C1QTNF7: variants seen among roughly 807,000 people sequenced by gnomAD.
C1QTNF7 encodes the protein C1q and TNF related 7.
A neutral mutation model predicts 19.6 loss-of-function variants in C1QTNF7; 15 were observed. The ratio of observed to expected loss-of-function variants is 0.76; its 90% CI spans 0.51 to 1.18. C1QTNF7 has a LOEUF of 1.18. Ranked by LOEUF, C1QTNF7 falls within the 50% of genes most tolerant of loss-of-function variation. The pLI, the probability that C1QTNF7 is intolerant of heterozygous loss-of-function variation, is 0.00. For missense variants in C1QTNF7, 324 were observed against 359.7 expected (o/e 0.90, Z 0.80); for synonymous variants, 142 against 137.5 (o/e 1.03, Z -0.23).
intron 1 of C1QTNF7, among the ~76,000 whole-genome samples, chr4:15,351,780 C>A (rs145530615): frequency 0.014 from 2,135 of 152,202 alleles, 32 homozygotes; most frequent in Non-Finnish European, 0.018. Flanking sequence ...GTGTGCATGA[C>A]GTGAGGATGT....
At chr4:15,385,572 G>C (rs1412231655) in intron 1 of C1QTNF7, among the ~76,000 whole-genome samples, 2 of 152,204 alleles carry the variant, frequency 1.3e-5, no homozygotes, top group African/African-American at 4.8e-5. Context: ...GTGGGAGGGG[G>C]ATCATCTAAG....
chr4:15,385,365 G>A (rs1718296722), intron 1 of C1QTNF7, among the ~76,000 whole-genome samples: 1 of 151,874 alleles, frequency 6.6e-6, no homozygotes, highest in African/African-American at 2.4e-5. Flanking sequence ...GTCAGATAAG[G>A]CTGGGAGCCA....
Position 15,398,391 on chromosome 4 carries a change from G to T in C1QTNF7, c.14-37345G>T, listed in dbSNP as rs191738522. ...CACCCCCCCTCCCTGCCCCATTGAT[G>T]TCCAAGTCCCTTTATTTACAGCTAA... On this transcript the variant is annotated intron_variant, in intron 1 of 2. Transcript: ENST00000295297. Among the ~76,000 whole-genome samples the T allele has an allele frequency of 1.2e-3, 182 of 148,788 alleles. 1 individual carries two copies. Among genetic ancestry groups the T allele is most frequent in the African/African-American group, 4.2e-3 (169 of 40,422 alleles).
At chr4:15,341,935 T>A (rs371679438) in intron 1 of C1QTNF7, among the ~76,000 whole-genome samples, 1 of 152,208 alleles carries the variant, frequency 6.6e-6, no homozygotes, top group Non-Finnish European at 1.5e-5. Context: ...CGGGCTCCAA[T>A]GGAGGCTGGC....
At chr4:15,367,829 TC>T (rs1717580158) in intron 1 of C1QTNF7, among the ~76,000 whole-genome samples, 1 of 149,330 alleles carries the variant, frequency 6.7e-6, no homozygotes, top group Non-Finnish European at 1.5e-5. Flanking sequence ...TTTTTTTTTT[TC>T]ACATGCAAAC....
intron 1 of C1QTNF7, among the ~76,000 whole-genome samples, chr4:15,420,784 T>A (rs908340661): frequency 2.0e-5 from 3 of 147,068 alleles, no homozygotes; most frequent in Non-Finnish European, 4.6e-5. Flanking sequence ...ACATGAAGAT[T>A]TCTGCTAGTT....
chr4:15,415,099 A>G (rs1254178679), intron 1 of C1QTNF7, among the ~76,000 whole-genome samples: 1 of 152,246 alleles, frequency 6.6e-6, no homozygotes, highest in Non-Finnish European at 1.5e-5. Flanking sequence ...ACATCTTTTC[A>G]CAAAACAAGT....
intron 1 of C1QTNF7, among the ~76,000 whole-genome samples, chr4:15,405,113 A>G (rs909209733): frequency 3.9e-5 from 6 of 152,204 alleles, no homozygotes; most frequent in African/African-American, 1.4e-4. Context: ...ATTTCTTCCT[A>G]TAACAGGAAG....
chr4:15,439,971 A>G (rs1712684818), intron 2 of C1QTNF7, among the ~76,000 whole-genome samples: 1 of 151,276 alleles, frequency 6.6e-6, no homozygotes, highest in African/African-American at 2.4e-5. Flanking sequence ...ATACAAAATC[A>G]ATGTCTTATA....
At chr4:15,386,051 A>G (rs1375864781) in intron 1 of C1QTNF7, among the ~76,000 whole-genome samples, 1 of 152,212 alleles carries the variant, frequency 6.6e-6, no homozygotes, top group East Asian at 1.9e-4. Flanking sequence ...GGAAGCCAAA[A>G]CCAAAAGCTG....
At chr4:15,429,050 G>A (rs761147584) in intron 1 of C1QTNF7, among the ~76,000 whole-genome samples, 1 of 152,150 alleles carries the variant, frequency 6.6e-6, no homozygotes, top group Non-Finnish European at 1.5e-5. Flanking sequence ...GTGTGGACTT[G>A]AGCCCACAGA....
chr4:15,358,254 C>T (rs997463196), intron 1 of C1QTNF7: 1 of 152,124 alleles, frequency 6.6e-6, no homozygotes, highest in Non-Finnish European at 1.5e-5. Flanking sequence ...TCCATCAATA[C>T]CTCGTTTATT....
intron 1 of C1QTNF7, among the ~76,000 whole-genome samples, chr4:15,380,232 G>T (rs1718086631): frequency 6.6e-6 from 1 of 152,206 alleles, no homozygotes; most frequent in South Asian, 2.1e-4. Flanking sequence ...TATCAGCTAG[G>T]ATTGTATTTG....
chr4:15,370,039 T>C (rs1717663711), intron 1 of C1QTNF7, among the ~76,000 whole-genome samples: 1 of 152,146 alleles, frequency 6.6e-6, no homozygotes, highest in Non-Finnish European at 1.5e-5. Context: ...ACATAAAAAC[T>C]GGTAAAAACT....
At chr4:15,413,815 A>T (rs994569224) in intron 1 of C1QTNF7, among the ~76,000 whole-genome samples, 2 of 152,230 alleles carry the variant, frequency 1.3e-5, no homozygotes, top group African/African-American at 4.8e-5. Context: ...GTTGACAACC[A>T]CAATACCGCG....
chr4:15,409,011 C>A (rs1489648890), intron 1 of C1QTNF7, among the ~76,000 whole-genome samples: 6 of 152,200 alleles, frequency 3.9e-5, no homozygotes, highest in African/African-American at 1.4e-4. Context: ...GACCCCCAGT[C>A]TCAGCAAGTC....
At chr4:15,432,986 ATTC>A (rs1320048181) in intron 1 of C1QTNF7, among the ~76,000 whole-genome samples, 4 of 152,066 alleles carry the variant, frequency 2.6e-5, no homozygotes, top group Non-Finnish European at 5.9e-5. Flanking sequence ...CCCTTACCAC[ATTC>A]TTCTTCACAG....
intron 1 of C1QTNF7, among the ~76,000 whole-genome samples, chr4:15,384,607 C>T (rs1362248098): frequency 6.6e-6 from 1 of 152,160 alleles, no homozygotes; most frequent in Admixed American, 6.5e-5. Flanking sequence ...AATTCCGGAG[C>T]TTTTCTGTTC....
chr4:15,442,561 T>G lies in C1QTNF7; in HGVS notation c.632T>G (p.Val211Gly). ...AATAAGCATCTGGCAATCGGACTGGTACACAATGGGCAATACCGGATAAAG... is the reference window on the plus strand; with the variant it reads ...AATAAGCATCTGGCAATCGGACTGGGACACAATGGGCAATACCGGATAAAG... ...LANKHLAIGL[V>G]HNGQYRIKTF... Residue 211 changes from valine (V) to glycine (G), a missense_variant, in exon 3 of 3, where the codon GTA becomes GGA. By Grantham distance (109) the Val-to-Gly change is moderately radical. Coordinates refer to ENST00000444304, the MANE Select transcript of C1QTNF7 (RefSeq NM_031911.5). 1.2e-6 allele frequency: 2 copies of G among 1,614,166 alleles called. No homozygotes were observed. Among genetic ancestry groups the G allele is most frequent in the Non-Finnish European group, 1.7e-6 (2 of 1,180,046 alleles).
Sources: gnomAD v4.1 joint callset for allele counts (sites outside exome capture counted in the v4.1 genomes callset) on GRCh38, gnomAD v4.1.1 for gene constraint, MANE v1.5 for transcripts, NCBI Gene and HGNC (gene_info 2026-07-23, HGNC 2026-07-21) for gene names.